PDE8A: variants seen among roughly 807,000 people sequenced by gnomAD.
PDE8A encodes the protein high affinity cAMP-specific and IBMX-insensitive 3',5'-cyclic phosphodiesterase 8A.
In PDE8A, 59 loss-of-function variants were observed where a neutral mutation model predicts 105.0. The ratio of observed to expected loss-of-function variants is 0.56; its 90% CI spans 0.46 to 0.70. The LOEUF is 0.70. Ranked by LOEUF, PDE8A falls within the 30% of genes least tolerant of loss-of-function variation. PDE8A has a pLI of 0.00. For synonymous variants in PDE8A, 355 were observed against 371.9 expected, an observed-to-expected ratio of 0.95 and a Z score of 0.52; for missense variants, 1,014 against 1,045.9, an observed-to-expected ratio of 0.97 and a Z score of 0.42.
At chr15:85,040,476 C>G (rs904823183) in intron 1 of PDE8A, among the ~76,000 whole-genome samples, 1 of 150,306 alleles carries the variant, frequency 6.7e-6, no homozygotes, top group Non-Finnish European at 1.5e-5. Context: ...TTTCTGTCTT[C>G]TCTAGGCACC....
intron 1 of PDE8A, among the ~76,000 whole-genome samples, chr15:84,983,218 A>G (rs2079748513): frequency 6.6e-6 from 1 of 152,234 alleles, no homozygotes; most frequent in African/African-American, 2.4e-5. Context: ...TCATTTCAGA[A>G]TTTAAAGCTG....
chr15:85,100,418 C>A (rs1356373871), intron 11 of PDE8A, among the ~76,000 whole-genome samples: 3 of 152,202 alleles, frequency 2.0e-5, no homozygotes, highest in African/African-American at 4.8e-5. Context: ...GGTCTCTGAG[C>A]CTGCGAGGGA....
intron 6 of PDE8A, among the ~76,000 whole-genome samples, chr15:85,088,436 A>C (rs1392672923): frequency 3.3e-5 from 5 of 152,232 alleles, no homozygotes; most frequent in African/African-American, 1.2e-4. Flanking sequence ...GGCATATATC[A>C]AGACTTCGTG....
chr15:85,036,107 A>G (rs993019357), intron 1 of PDE8A, among the ~76,000 whole-genome samples: 1 of 152,200 alleles, frequency 6.6e-6, no homozygotes, highest in African/African-American at 2.4e-5. Context: ...ACCCTTGGCA[A>G]TTTGATAGAA....
intron 1 of PDE8A, among the ~76,000 whole-genome samples, chr15:85,005,100 A>G (rs2080124983): frequency 6.6e-6 from 1 of 151,964 alleles, no homozygotes; most frequent in Non-Finnish European, 1.5e-5. Flanking sequence ...ATAGCTGGGT[A>G]TTATCTCTAT....
At chr15:84,991,119 G>A (rs1381969654) in intron 1 of PDE8A, among the ~76,000 whole-genome samples, 1 of 152,130 alleles carries the variant, frequency 6.6e-6, no homozygotes, top group African/African-American at 2.4e-5. Flanking sequence ...GACTGATTAA[G>A]CAAGTTACAC....
intron 16 of PDE8A, among the ~76,000 whole-genome samples, chr15:85,116,521 G>C (rs2082099707): frequency 6.6e-6 from 1 of 152,236 alleles, no homozygotes; most frequent in African/African-American, 2.4e-5. Flanking sequence ...GTTGGTGATA[G>C]GCATAGGGAC....
chr15:85,119,893 G>A (rs1053112396), intron 17 of PDE8A, among the ~76,000 whole-genome samples: 1 of 151,996 alleles, frequency 6.6e-6, no homozygotes, highest in African/African-American at 2.4e-5. Context: ...TGTTTTAAAT[G>A]CCTTAATTAC....
intron 1 of PDE8A, among the ~76,000 whole-genome samples, chr15:85,033,452 G>A (rs1228121636): frequency 2.0e-5 from 3 of 152,026 alleles, no homozygotes; most frequent in Non-Finnish European, 4.4e-5. Flanking sequence ...GGGGAGAGAG[G>A]CTCAAGAATA....
At chr15:85,026,629 A>G (rs1219100368) in intron 1 of PDE8A, among the ~76,000 whole-genome samples, 1 of 152,174 alleles carries the variant, frequency 6.6e-6, no homozygotes, top group Admixed American at 6.5e-5. Flanking sequence ...CTCAATGGGT[A>G]GAGAGTCAAA....
intron 3 of PDE8A, among the ~76,000 whole-genome samples, chr15:85,070,030 T>C (rs2081288377): frequency 6.6e-6 from 1 of 152,172 alleles, no homozygotes; most frequent in Non-Finnish European, 1.5e-5. Context: ...TCAAGAAATC[T>C]TTCCAGGCTC....
At position 85,083,652 on chromosome 15, in the gene PDE8A, T is replaced by C; in HGVS notation, c.635+8T>C. 1 of 1,593,022 alleles carries C rather than the reference T, an allele frequency of 6.3e-7. No individual in the cohort carries two copies. The highest frequency in any genetic ancestry group is 1.7e-4 in the Middle Eastern group (1 of 6,034). On this transcript the variant is annotated splice_region_variant and intron_variant, in intron 6 of 21. Coordinates refer to ENST00000394553, the MANE Select transcript of PDE8A (RefSeq NM_002605.3). ...ATCACAACTGAAACTCAGGTAATTC[T>C]ACCACTTCTGGAAAGCCCTCCAGGC... is the stretch of plus-strand genomic sequence containing the variant.
intron 5 of PDE8A, among the ~76,000 whole-genome samples, chr15:85,080,026 A>C (rs946888581): frequency 3.9e-5 from 6 of 152,220 alleles, no homozygotes; most frequent in Admixed American, 3.9e-4. Flanking sequence ...CAGTTACAAG[A>C]CACTTAACAT....
At chr15:84,980,946 G>A (rs1238060026), upstream of PDE8A, among the ~76,000 whole-genome samples, 2 of 152,234 alleles carry the variant, frequency 1.3e-5, no homozygotes, top group Non-Finnish European at 2.9e-5. Flanking sequence ...GGGAGCGCAC[G>A]TGGGCTGCGG....
At chr15:85,019,085 G>A (rs899398425) in intron 1 of PDE8A, among the ~76,000 whole-genome samples, 21 of 152,184 alleles carry the variant, frequency 1.4e-4, no homozygotes, top group Non-Finnish European at 2.6e-4. Context: ...TCTCTAAAGA[G>A]GTTGCCCTTT....
intron 20 of PDE8A, 145 bp from the exon 21 acceptor site, chr15:85,136,389 T>G (rs2082409897): frequency 1.4e-6 from 1 of 739,526 alleles, no homozygotes; most frequent in Admixed American, 2.3e-5. Flanking sequence ...TGAGACATGG[T>G]TTGGCTGCGT....
intron 12 of PDE8A, among the ~76,000 whole-genome samples, chr15:85,110,847 A>G (rs2141594206): frequency 6.6e-6 from 1 of 152,320 alleles, no homozygotes; most frequent in South Asian, 2.1e-4. Flanking sequence ...ATTCTCCAAT[A>G]ATAGCTCCAA....
At chr15:85,073,346 G>A (rs889614885) in intron 3 of PDE8A, among the ~76,000 whole-genome samples, 7 of 152,164 alleles carry the variant, frequency 4.6e-5, no homozygotes, top group East Asian at 1.9e-4. Context: ...TTTCTAGCCC[G>A]TTCTTCCTTC....
chr15:85,128,078 C>T (rs2082282575), intron 20 of PDE8A, among the ~76,000 whole-genome samples: 1 of 144,884 alleles, frequency 6.9e-6, no homozygotes, highest in Non-Finnish European at 1.5e-5. Context: ...AAAAAAGAAC[C>T]ACAACTCCTA....
Sources: gnomAD v4.1 joint callset for allele counts (sites outside exome capture counted in the v4.1 genomes callset) on GRCh38, gnomAD v4.1.1 for gene constraint, MANE v1.5 for transcripts, NCBI Gene and HGNC (gene_info 2026-07-23, HGNC 2026-07-21) for gene names.